The following GSG1L variants were observed in gnomAD, a reference collection of about 807,000 sequenced individuals.
GSG1L encodes the protein germ cell-specific gene 1-like protein.
GSG1L carries 24 observed loss-of-function variants against 42.1 expected under a neutral mutation model. The ratio of observed to expected loss-of-function variants is 0.57; its 90% CI spans 0.41 to 0.80. GSG1L has a LOEUF of 0.80. Ranked by LOEUF, GSG1L falls within the 30% of genes least tolerant of loss-of-function variation. The pLI is 0.00. For synonymous variants in GSG1L, 215 were observed against 203.5 expected, an observed-to-expected ratio of 1.06 and a Z score of -0.48; for missense variants, 445 against 472.2, an observed-to-expected ratio of 0.94 and a Z score of 0.53.
intron 2 of GSG1L, among the ~76,000 whole-genome samples, chr16:27,910,104 C>T (rs1331351580): frequency 6.6e-6 from 1 of 150,724 alleles, no homozygotes; most frequent in African/African-American, 2.5e-5. Context: ...GGATTACAGG[C>T]ACATGCCACC....
At chr16:27,929,980 C>T (rs1172669612) in intron 2 of GSG1L, among the ~76,000 whole-genome samples, 1 of 152,112 alleles carries the variant, frequency 6.6e-6, no homozygotes, top group East Asian at 1.9e-4. Context: ...ACTGCACAGC[C>T]AGGCCTCCCC....
intron 5 of GSG1L, among the ~76,000 whole-genome samples, chr16:27,808,603 G>A (rs893347398): frequency 6.6e-6 from 1 of 152,030 alleles, no homozygotes; most frequent in Non-Finnish European, 1.5e-5. Context: ...ACTTTTATTA[G>A]AGACAGGGTT....
intron 3 of GSG1L, among the ~76,000 whole-genome samples, chr16:27,845,369 CAGGTG>C (rs771216665): frequency 2.0e-5 from 3 of 152,158 alleles, no homozygotes; most frequent in Non-Finnish European, 4.4e-5. Flanking sequence ...GCTGGGACTA[CAGGTG>C]TATGCCACTA....
intron 1 of GSG1L, among the ~76,000 whole-genome samples, chr16:28,047,151 GC>G (rs2141190900): frequency 6.6e-6 from 1 of 152,244 alleles, no homozygotes; most frequent in Admixed American, 6.5e-5. Flanking sequence ...CTTGCAATTA[GC>G]CATGAAACCA....
chr16:28,034,220 ATCCCATCCCATCCCAT>A (rs2086004134), intron 1 of GSG1L, among the ~76,000 whole-genome samples: 1 of 6,298 alleles, frequency 1.6e-4, no homozygotes. Context: ...AACCCATCCC[ATCCCATCCCATCCCAT>A]CCCATCCCAT....
At chr16:28,053,786 C>T (rs1195184699) in intron 1 of GSG1L, among the ~76,000 whole-genome samples, 1 of 152,184 alleles carries the variant, frequency 6.6e-6, no homozygotes, top group Admixed American at 6.5e-5. Context: ...TCTCTGCCCA[C>T]ATATTTCTCC....
At chr16:28,048,553 C>T (rs1221654193) in intron 1 of GSG1L, among the ~76,000 whole-genome samples, 1 of 152,268 alleles carries the variant, frequency 6.6e-6, no homozygotes, top group East Asian at 1.9e-4. Context: ...TAAGCCACTG[C>T]ACCTGGCCTA....
intron 5 of GSG1L, among the ~76,000 whole-genome samples, chr16:27,810,936 C>A (rs2083023947): frequency 1.3e-5 from 2 of 152,296 alleles, no homozygotes; most frequent in South Asian, 4.1e-4. Flanking sequence ...GATCCACCCA[C>A]CTTGGCCTCC....
At chr16:27,812,781 TTTTA>T (rs145858801) in intron 5 of GSG1L, among the ~76,000 whole-genome samples, 42,125 of 151,166 alleles carry the variant, frequency 0.28, 6,072 homozygotes, top group East Asian at 0.39. Flanking sequence ...TTGTTTTAAT[TTTTA>T]TTTATTTATT....
intron 3 of GSG1L, among the ~76,000 whole-genome samples, chr16:27,874,122 G>T (rs2083856476): frequency 6.6e-6 from 1 of 152,150 alleles, no homozygotes; most frequent in Admixed American, 6.5e-5. Context: ...ACTAGCCCTT[G>T]TCCCTGTTTC....
intron 1 of GSG1L, among the ~76,000 whole-genome samples, chr16:28,048,469 C>T (rs1434215254): frequency 2.0e-5 from 3 of 151,792 alleles, no homozygotes; most frequent in Non-Finnish European, 4.4e-5. Context: ...ACTATGTTGC[C>T]CAGTCTGGTC....
At chr16:27,882,044 A>G (rs1387785593) in intron 3 of GSG1L, among the ~76,000 whole-genome samples, 3 of 152,128 alleles carry the variant, frequency 2.0e-5, no homozygotes, top group Non-Finnish European at 4.4e-5. Context: ...CCCAAATCTC[A>G]TCTTGAACTG....
chr16:27,982,979 T>C (rs2085340939), intron 1 of GSG1L, among the ~76,000 whole-genome samples: 1 of 152,024 alleles, frequency 6.6e-6, no homozygotes, highest in African/African-American at 2.4e-5. Flanking sequence ...AAACACTATG[T>C]AGAGTAGAAC....
intron 1 of GSG1L, among the ~76,000 whole-genome samples, chr16:28,026,153 T>C (rs1005420556): frequency 5.3e-5 from 8 of 152,174 alleles, no homozygotes; most frequent in Admixed American, 5.2e-4. Context: ...CATTACCTGC[T>C]CACCCATGTC....
chr16:27,936,033 C>G (rs578030049), intron 2 of GSG1L, among the ~76,000 whole-genome samples: 21 of 151,474 alleles, frequency 1.4e-4, no homozygotes, highest in African/African-American at 4.1e-4. Context: ...TCCCAGGACC[C>G]AGGGAATCAC....
chr16:27,816,810 T>C (rs2083098833), intron 5 of GSG1L, among the ~76,000 whole-genome samples: 1 of 151,652 alleles, frequency 6.6e-6, no homozygotes, highest in African/African-American at 2.4e-5. Context: ...CTAGAGCGAG[T>C]TTCCACGGTA....
rs112129528 is a variant in GSG1L, at chr16:27,819,702, G to A, written c.830+9087C>T. Among the ~76,000 whole-genome samples, 9 of 152,278 alleles carry A rather than the reference G, an allele frequency of 5.9e-5. No individual in the cohort carries two copies. The South Asian group carries it at 6.2e-4, about 11-fold the overall frequency. On this transcript the variant is annotated intron_variant, in intron 5 of 6. Coordinates refer to ENST00000447459, the MANE Select transcript of GSG1L (RefSeq NM_001109763.2). ...GCAGGGCAAGGGGCCCGGAGTACAC[G>A]GTGGGACTCTGAAGTTATGATGAGG... is the stretch of plus-strand genomic sequence containing the variant.
chr16:27,824,939 CCCACT>C (rs1340818636), intron 5 of GSG1L, among the ~76,000 whole-genome samples: 4 of 152,232 alleles, frequency 2.6e-5, no homozygotes, highest in Non-Finnish European at 5.9e-5. Context: ...TTGCTGAGTG[CCCACT>C]TCGGGCCCTG....
At chr16:27,798,187 C>T (rs1295469342) in intron 6 of GSG1L, among the ~76,000 whole-genome samples, 1 of 152,118 alleles carries the variant, frequency 6.6e-6, no homozygotes, top group Non-Finnish European at 1.5e-5. Flanking sequence ...ACAATTAAAA[C>T]ATTTAAAAAC....
Sources: gnomAD v4.1 joint callset for allele counts (sites outside exome capture counted in the v4.1 genomes callset) on GRCh38, gnomAD v4.1.1 for gene constraint, MANE v1.5 for transcripts, NCBI Gene and HGNC (gene_info 2026-07-23, HGNC 2026-07-21) for gene names.